The following SERPINI1 variants were observed in gnomAD, a reference collection of about 807,000 sequenced individuals.
The protein encoded by SERPINI1 is serpin family I member 1.
A neutral mutation model predicts 41.1 loss-of-function variants in SERPINI1; 19 were observed. The ratio of observed to expected loss-of-function variants is 0.46; its 90% confidence interval spans 0.32 to 0.68. The LOEUF (loss-of-function observed/expected upper bound fraction) is 0.68, where lower values mean the gene tolerates loss of function less well. SERPINI1 is among the 30% of genes least tolerant of loss of function. The pLI is 0.03. For synonymous variants in SERPINI1, 138 were observed against 156.6 expected, an observed-to-expected ratio of 0.88 and a Z score of 0.89; for missense variants, 460 against 479.2, an observed-to-expected ratio of 0.96 and a Z score of 0.37.
chr3:167,825,515 T>C lies in SERPINI1; in HGVS notation c.*192T>C, dbSNP rs755315529. 38 of 564,044 alleles carry C rather than the reference T, an allele frequency of 6.7e-5. 1 individual carries two copies. In the East Asian group the frequency reaches 8.8e-4, roughly 13 times the overall value. 34.9% of individuals were successfully genotyped at this position (564,044 alleles called of 1,614,324 possible). A position where few individuals can be genotyped will look rare whatever the true frequency, so the allele number is the denominator to read the frequency against. ...CAGTATTAAGCTAATGGTCCTGTTATGTCATTGTGTTTGTGTGCTGTTGTT... is the reference window on the plus strand; with the variant it reads ...CAGTATTAAGCTAATGGTCCTGTTACGTCATTGTGTTTGTGTGCTGTTGTT... On this transcript the variant is annotated 3_prime_UTR_variant, in exon 9 of 9. Coordinates refer to ENST00000446050, the MANE Select transcript of SERPINI1 (RefSeq NM_001122752.2).
chr3:167,744,825 ATAAT>A (rs1229408531), intron 1 of SERPINI1, among the ~76,000 whole-genome samples: 13 of 120,056 alleles, frequency 1.1e-4, no homozygotes, highest in African/African-American at 3.9e-4. Flanking sequence ...AGTTATATAT[ATAAT>A]ATATATATTA....
intron 5 of SERPINI1, 90 bp from the exon 6 acceptor site, chr3:167,807,154 A>G: frequency 1.1e-6 from 1 of 907,190 alleles, no homozygotes; most frequent in Non-Finnish European, 1.8e-6. Flanking sequence ...CATAAAGCAG[A>G]CTTTAAATAT....
intron 1 of SERPINI1, among the ~76,000 whole-genome samples, chr3:167,744,710 AAT>A (rs1553770429): frequency 4.6e-5 from 6 of 130,596 alleles, no homozygotes; most frequent in East Asian, 2.0e-4. Flanking sequence ...ATATATATAA[AAT>A]ATATATAAAT....
intron 1 of SERPINI1, among the ~76,000 whole-genome samples, chr3:167,747,550 A>AGGAGAATG (rs1303944909): frequency 6.6e-6 from 1 of 152,204 alleles, no homozygotes; most frequent in African/African-American, 2.4e-5. Flanking sequence ...AGGCTGAGGC[A>AGGAGAATG]GGAGAATGGC....
chr3:167,808,785 G>A (rs1393541311), intron 6 of SERPINI1, among the ~76,000 whole-genome samples: 2 of 152,156 alleles, frequency 1.3e-5, no homozygotes, highest in Non-Finnish European at 2.9e-5. Context: ...TGCACACAAT[G>A]CATCTGCACA....
intron 1 of SERPINI1, among the ~76,000 whole-genome samples, chr3:167,750,397 A>G (rs1162860409): frequency 6.6e-6 from 1 of 152,238 alleles, no homozygotes; most frequent in Non-Finnish European, 1.5e-5. Context: ...AAGTAAGAAC[A>G]AGATGACTGC....
At chr3:167,738,901 A>C (rs1030271801) in intron 1 of SERPINI1, among the ~76,000 whole-genome samples, 2 of 151,636 alleles carry the variant, frequency 1.3e-5, no homozygotes, top group Non-Finnish European at 2.9e-5. Context: ...TGTATACACT[A>C]ACTTCTAAGT....
At chr3:167,821,399 A>G (rs1193478521) in intron 6 of SERPINI1, among the ~76,000 whole-genome samples, 1 of 152,078 alleles carries the variant, frequency 6.6e-6, no homozygotes, top group Non-Finnish European at 1.5e-5. Context: ...ACGCCACCAC[A>G]TTTCCTGGTG....
intron 1 of SERPINI1, among the ~76,000 whole-genome samples, chr3:167,761,341 C>T (rs1449247516): frequency 2.0e-5 from 3 of 152,172 alleles, no homozygotes; most frequent in Non-Finnish European, 4.4e-5. Context: ...TGCCCAGATT[C>T]TCTGTTAATA....
At chr3:167,816,963 G>A (rs574292950) in intron 6 of SERPINI1, among the ~76,000 whole-genome samples, 84 of 152,138 alleles carry the variant, frequency 5.5e-4, no homozygotes, top group Admixed American at 1.0e-3. Flanking sequence ...GGAAGCAAAG[G>A]CAGCCTGATG....
At chr3:167,764,200 A>G (rs1376353404) in intron 1 of SERPINI1, among the ~76,000 whole-genome samples, 2 of 152,186 alleles carry the variant, frequency 1.3e-5, no homozygotes, top group Non-Finnish European at 2.9e-5. Context: ...ACAGCAATCA[A>G]CAGATGGTGC....
chr3:167,784,165 G>T (rs1727231086), intron 1 of SERPINI1, among the ~76,000 whole-genome samples: 1 of 152,002 alleles, frequency 6.6e-6, no homozygotes, highest in Non-Finnish European at 1.5e-5. Context: ...TGTAACCTCT[G>T]TAAACCAGAG....
At chr3:167,798,231 A>G (rs748498554) in intron 5 of SERPINI1, among the ~76,000 whole-genome samples, 2 of 152,160 alleles carry the variant, frequency 1.3e-5, no homozygotes, top group Non-Finnish European at 1.5e-5. Flanking sequence ...ATACTCTTCA[A>G]TTATGAAATA....
intron 1 of SERPINI1, among the ~76,000 whole-genome samples, chr3:167,743,268 A>G (rs1193847336): frequency 6.6e-6 from 1 of 152,162 alleles, no homozygotes; most frequent in Admixed American, 6.5e-5. Context: ...GTTATTATCC[A>G]TTTCAAAAAT....
chr3:167,806,281 G>T (rs1711633388), intron 5 of SERPINI1, among the ~76,000 whole-genome samples: 1 of 151,858 alleles, frequency 6.6e-6, no homozygotes, highest in South Asian at 2.1e-4. Flanking sequence ...ATGAGAACAT[G>T]TAGACTTAGG....
At chr3:167,819,079 T>C (rs1398770034) in intron 6 of SERPINI1, among the ~76,000 whole-genome samples, 1 of 152,246 alleles carries the variant, frequency 6.6e-6, no homozygotes, top group Non-Finnish European at 1.5e-5. Flanking sequence ...CTGAAAATAA[T>C]ACAGCATCAA....
intron 1 of SERPINI1, among the ~76,000 whole-genome samples, chr3:167,785,119 T>C (rs1368672909): frequency 6.6e-6 from 1 of 152,058 alleles, no homozygotes; most frequent in African/African-American, 2.4e-5. Flanking sequence ...CATGCGCCTG[T>C]AGTAGTCTCA....
chr3:167,757,721 C>T (rs552819488), intron 1 of SERPINI1, among the ~76,000 whole-genome samples: 3 of 151,992 alleles, frequency 2.0e-5, no homozygotes, highest in Non-Finnish European at 4.4e-5. Context: ...GGGTTTGAGA[C>T]CAGCCTGACT....
chr3:167,807,462 A>C, intron 6 of SERPINI1, 121 bp downstream of exon 6: 1 of 666,152 alleles, frequency 1.5e-6, no homozygotes, highest in Non-Finnish European at 2.6e-6. Context: ...CTTGCCAAAT[A>C]AATCTAGCAT....
Sources: gnomAD v4.1 joint callset for allele counts (sites outside exome capture counted in the v4.1 genomes callset) on GRCh38, gnomAD v4.1.1 for gene constraint, MANE v1.5 for transcripts, NCBI Gene and HGNC (gene_info 2026-07-23, HGNC 2026-07-21) for gene names.